ST7: variants seen among roughly 807,000 people sequenced by gnomAD.
ST7 encodes the protein suppression of tumorigenicity 7.
ST7 carries 28 observed loss-of-function variants against 78.7 expected under a neutral mutation model. The observed-to-expected ratio is 0.36, with a 90% CI of 0.26 to 0.49. ST7 has a LOEUF of 0.49. ST7 is among the 20% of genes least tolerant of loss of function. ST7 has a pLI of 0.99. For synonymous variants in ST7, 247 were observed against 249.6 expected (o/e 0.99, Z 0.10); for missense variants, 418 against 696.0 (o/e 0.60, Z 4.49).
Position 116,953,646 on chromosome 7 carries a change from T to A in ST7, c.106T>A (p.Tyr36Asn). 1 of 1,502,116 alleles carries A rather than the reference T, an allele frequency of 6.7e-7. No individual in the cohort carries two copies. Among genetic ancestry groups the A allele is most frequent in the Non-Finnish European group, 9.0e-7 (1 of 1,112,552 alleles). The allele number at this position is 1,502,116 out of a possible 1,614,324, so 93.0% of individuals were successfully genotyped here. A position where few individuals can be genotyped will look rare whatever the true frequency, so the allele number is the denominator to read the frequency against. The stretch of plus-strand genomic sequence containing the variant: ...GTTCTTCATCGTGCTATTCCTGGTC[T>A]ACATCCTGCGGGTGCCTTTGAAAAT... ...VWFFIVLFLV[Y>N]ILRVPLKIND... Residue 36 changes from tyrosine (Y) to asparagine (N), a missense_variant, in exon 1 of 16, where the codon TAC becomes AAC. Physicochemically the swap from Tyr to Asn is moderately radical, Grantham distance 143. Around this residue, in one of 4 missense-constraint regions of ST7, gnomAD observed 71 missense variants for 61.5 expected, o/e 1.16. Transcript: ENST00000323984.
chr7:116,992,082 C>T (rs1285341849), intron 1 of ST7, among the ~76,000 whole-genome samples: 2 of 152,204 alleles, frequency 1.3e-5, no homozygotes, highest in African/African-American at 4.8e-5. Flanking sequence ...TGCCTCTCTC[C>T]CACTGCTTTC....
intron 9 of ST7, among the ~76,000 whole-genome samples, chr7:117,166,463 T>C (rs1807562231): frequency 6.6e-6 from 1 of 152,090 alleles, no homozygotes; most frequent in Non-Finnish European, 1.5e-5. Context: ...TTTTTTTTTT[T>C]TACTATTACA....
chr7:117,032,349 G>C (rs1338175811), intron 1 of ST7, among the ~76,000 whole-genome samples: 1 of 151,810 alleles, frequency 6.6e-6, no homozygotes. Flanking sequence ...TTTTACTCCA[G>C]TTCTTGCCAA....
chr7:117,185,790 G>A (rs1809201509), intron 10 of ST7, among the ~76,000 whole-genome samples: 1 of 152,156 alleles, frequency 6.6e-6, no homozygotes, highest in Non-Finnish European at 1.5e-5. Context: ...GGGCATGGTG[G>A]CGCATGCCTG....
chr7:117,181,757 G>GA (rs1808788760), intron 10 of ST7, among the ~76,000 whole-genome samples: 1 of 152,224 alleles, frequency 6.6e-6, no homozygotes, highest in Admixed American at 6.5e-5. Context: ...GATTTATTAA[G>GA]AAAAAATTGT....
chr7:117,205,813 A>G (rs1246261466), intron 12 of ST7, among the ~76,000 whole-genome samples: 1 of 152,250 alleles, frequency 6.6e-6, no homozygotes, highest in Non-Finnish European at 1.5e-5. Context: ...TTTCAAGATC[A>G]GTGTGATTTT....
intron 3 of ST7, among the ~76,000 whole-genome samples, chr7:117,123,462 C>T (rs1400509607): frequency 6.6e-6 from 1 of 152,066 alleles, no homozygotes; most frequent in African/African-American, 2.4e-5. Flanking sequence ...TATCTGCGGG[C>T]CAGTGGAGAA....
intron 1 of ST7, among the ~76,000 whole-genome samples, chr7:116,975,766 T>C (rs914078975): frequency 3.9e-5 from 6 of 151,908 alleles, no homozygotes; most frequent in African/African-American, 1.5e-4. Context: ...ATGTTTGTTA[T>C]AGAATAGAAA....
intron 1 of ST7, among the ~76,000 whole-genome samples, chr7:116,986,855 T>C (rs1279269252): frequency 6.6e-6 from 1 of 152,148 alleles, no homozygotes; most frequent in Non-Finnish European, 1.5e-5. Context: ...AGTCCTTAAA[T>C]TGCATGGTGG....
At chr7:117,006,556 C>G (rs1161511668) in intron 1 of ST7, among the ~76,000 whole-genome samples, 1 of 152,208 alleles carries the variant, frequency 6.6e-6, no homozygotes, top group Non-Finnish European at 1.5e-5. Flanking sequence ...TAATATTTTT[C>G]AACAAATGTA....
intron 9 of ST7, among the ~76,000 whole-genome samples, chr7:117,169,991 C>T (rs1807869949): frequency 6.6e-6 from 1 of 152,092 alleles, no homozygotes; most frequent in South Asian, 2.1e-4. Context: ...ACCCCCATCA[C>T]TACCTACAAA....
intron 13 of ST7, among the ~76,000 whole-genome samples, chr7:117,216,383 A>G (rs1792693784): frequency 6.6e-6 from 1 of 152,160 alleles, no homozygotes; most frequent in Non-Finnish European, 1.5e-5. Flanking sequence ...ATACATGTGT[A>G]TTTTTAATTC....
At chr7:116,975,265 C>T (rs1313197445) in intron 1 of ST7, among the ~76,000 whole-genome samples, 1 of 152,134 alleles carries the variant, frequency 6.6e-6, no homozygotes, top group Non-Finnish European at 1.5e-5. Flanking sequence ...ATCACAACAG[C>T]ATGGGAAAAA....
chr7:117,045,611 A>G (rs1260312297), intron 1 of ST7, among the ~76,000 whole-genome samples: 1 of 152,188 alleles, frequency 6.6e-6, no homozygotes, highest in African/African-American at 2.4e-5. Flanking sequence ...ACTTTCTAAT[A>G]GATGATACAA....
At chr7:117,105,438 G>A (rs980504045) in intron 2 of ST7, among the ~76,000 whole-genome samples, 1 of 152,140 alleles carries the variant, frequency 6.6e-6, no homozygotes, top group African/African-American at 2.4e-5. Flanking sequence ...GTGCCATCAT[G>A]TCTGGCTAAT....
intron 13 of ST7, among the ~76,000 whole-genome samples, chr7:117,213,643 A>T (rs560088753): frequency 0.036 from 5,245 of 146,352 alleles, 293 homozygotes; most frequent in African/African-American, 0.14. Flanking sequence ...GGTGGTTTTA[A>T]AAAAAAAAAC....
chr7:117,094,273 G>T (rs1184107956), intron 1 of ST7, among the ~76,000 whole-genome samples: 2 of 152,160 alleles, frequency 1.3e-5, no homozygotes, highest in African/African-American at 2.4e-5. Flanking sequence ...AGGCCCCAGG[G>T]CTGCGGTACT....
intron 4 of ST7, among the ~76,000 whole-genome samples, chr7:117,130,147 C>T (rs1349668772): frequency 2.0e-5 from 3 of 151,718 alleles, no homozygotes; most frequent in South Asian, 2.1e-4. Flanking sequence ...ATAGAGATGT[C>T]GCAGAAGTTA....
intron 12 of ST7, among the ~76,000 whole-genome samples, chr7:117,204,361 T>C (rs1791534019): frequency 6.6e-6 from 1 of 152,228 alleles, no homozygotes; most frequent in South Asian, 2.1e-4. Flanking sequence ...GGTGTGTTTT[T>C]ACTATTCCAG....
Sources: gnomAD v4.1 joint callset for allele counts (sites outside exome capture counted in the v4.1 genomes callset) on GRCh38, gnomAD v4.1.1 for gene constraint, gnomAD v4.1.1 regional missense constraint, MANE v1.5 for transcripts, NCBI Gene and HGNC (gene_info 2026-07-23, HGNC 2026-07-21) for gene names.